Variants in TPP1 observed in about 807,000 individuals in gnomAD.
TPP1 encodes tripeptidyl peptidase 1.
In TPP1, 43 loss-of-function variants were observed where a neutral mutation model predicts 67.6. The observed-to-expected ratio is 0.64, with a 90% CI of 0.50 to 0.82. The LOEUF (loss-of-function observed/expected upper bound fraction) is 0.82, where lower values mean the gene tolerates loss of function less well. TPP1 is among the 40% of genes least tolerant of loss of function. TPP1 has a pLI of 0.00. For synonymous variants in TPP1, 272 were observed against 281.5 expected (o/e 0.97, Z 0.34); for missense variants, 671 against 710.9 (o/e 0.94, Z 0.64).
At chr11:6,615,897 A>T in intron 9 of TPP1, 108 bp downstream of exon 9, 1 of 1,311,504 alleles carries the variant, frequency 7.6e-7, no homozygotes, top group Non-Finnish European at 1.1e-6. Flanking sequence ...GGCAAAGCTT[A>T]AGGCTGAACC....
rs376944684 is a variant in TPP1 at position 6,616,119 on chromosome 11, T to C, written c.1076-45A>G. ...GCATTCATATTAATTGGTTAGGGCTTAGTATGTGGGTTCGGATGTCAGAGG... is the reference window on the plus strand; with the variant it reads ...GCATTCATATTAATTGGTTAGGGCTCAGTATGTGGGTTCGGATGTCAGAGG... On this transcript the variant is annotated intron_variant, in intron 8 of 12. Coordinates refer to ENST00000299427, the MANE Select transcript of TPP1 (RefSeq NM_000391.4). 3.7e-6 allele frequency: 6 copies of C among 1,611,908 alleles called. No homozygotes were observed. The African/African-American group carries it at 5.3e-5, about 14-fold the overall frequency.
In TPP1 at chr11:6,614,929, G is replaced by A. The variant is rs1315316303; in HGVS notation, c.1488C>T (p.Gly496=). The A allele has an allele frequency of 1.2e-6, 2 of 1,614,144 alleles. No individual in the cohort carries two copies. Among genetic ancestry groups the A allele is most frequent in the South Asian group, 1.1e-5 (1 of 91,082 alleles). ...GGTTGAGAAAGCCAAGAGGGGGGCGGCCACTAAGGATCCTGTGCTCATTGA... is the reference window on the plus strand; with the variant it reads ...GGTTGAGAAAGCCAAGAGGGGGGCGACCACTAAGGATCCTGTGCTCATTGA... ...SLINEHRILS[G]RPPLGFLNPR... The change falls in exon 12 of 13, where the codon GGC becomes GGT. Residue 496 remains glycine, a synonymous_variant. Coordinates refer to ENST00000299427, the MANE Select transcript of TPP1 (RefSeq NM_000391.4).
Position 6,619,414 on chromosome 11 carries a change from G to T in TPP1, c.-14C>A. On this transcript the variant is annotated 5_prime_UTR_variant, in exon 1 of 13. Transcript: ENST00000299427. ...TTGGAGTCCCATTCTGCCCTTCCGCGGATCTGCTGTCATGTGACGGATCAC... is the reference window on the plus strand; with the variant it reads ...TTGGAGTCCCATTCTGCCCTTCCGCTGATCTGCTGTCATGTGACGGATCAC... 1 of 1,614,176 alleles carries T rather than the reference G, an allele frequency of 6.2e-7. No individual in the cohort carries two copies. Among genetic ancestry groups the T allele is most frequent in the Non-Finnish European group, 8.5e-7 (1 of 1,180,028 alleles).
Position 6,617,312 on chromosome 11 carries a change from T to TG in TPP1, c.496dup (p.His166ProfsTer22). 3.7e-6 allele frequency: 6 copies of TG among 1,613,970 alleles called. No individual in the cohort carries two copies. Among genetic ancestry groups the TG allele is most frequent in the Non-Finnish European group, 5.1e-6 (6 of 1,179,976 alleles). ...CCCATAGGTGTTACCAAAGTCCACA[T>TG]GGGGGGCCAAGGCCTGTGGAAGCTG... On this transcript the variant is annotated frameshift_variant, in exon 5 of 13. Transcript: ENST00000299427. LOFTEE classifies it high-confidence loss of function.
rs1317492199 is a variant in TPP1 at position 6,618,760 on chromosome 11, C to T, written c.229+16G>A. The T allele has an allele frequency of 1.9e-6, 3 of 1,613,360 alleles. No individual in the cohort carries two copies. Among genetic ancestry groups the T allele is most frequent in the South Asian group, 2.2e-5 (2 of 91,064 alleles). Reference sequence around the variant, plus strand: ...TCCACCGCATCCCACATCCTGTCCTCAGTCCCAAAAGGCACCGTATTGAGG... The same window carrying T: ...TCCACCGCATCCCACATCCTGTCCTTAGTCCCAAAAGGCACCGTATTGAGG... On this transcript the variant is annotated intron_variant, in intron 3 of 12. Coordinates refer to ENST00000299427, the MANE Select transcript of TPP1 (RefSeq NM_000391.4).
chr11:6,616,399 A>G lies in TPP1; in HGVS notation c.991T>C (p.Ser331Pro), dbSNP rs1589948207. The G allele has an allele frequency of 6.2e-7, 1 of 1,613,830 alleles. No individual in the cohort carries two copies. Among genetic ancestry groups the G allele is most frequent in the Non-Finnish European group, 8.5e-7 (1 of 1,180,004 alleles). ...HTVSYGDDEDSLSSAYIQRVN... is the reference protein window; with the variant it reads ...HTVSYGDDEDPLSSAYIQRVN... ...CGCTGGATGTAGGCGCTGCTGAGGG[A>G]GTCCTCATCATCTCCATAGCTCACA... Residue 331 changes from serine (S) to proline (P), a missense_variant, in exon 8 of 13, where the codon TCC becomes CCC. By Grantham distance (74) the Ser-to-Pro change is moderately conservative. Transcript: ENST00000299427.
chr11:6,612,934 C>T lies in TPP1; in HGVS notation c.*1612G>A, dbSNP rs1227488705. ...TCAATACTACGTGGTCGTTACAATG[C>T]TAGAGGTAGGCACAGGGGGCGCAGT... is the stretch of plus-strand genomic sequence containing the variant. On this transcript the variant is annotated 3_prime_UTR_variant, in exon 13 of 13. Coordinates refer to ENST00000299427, the MANE Select transcript of TPP1 (RefSeq NM_000391.4). 1 of 152,668 alleles carries T rather than the reference C, an allele frequency of 6.6e-6. No homozygotes were observed. The highest frequency in any genetic ancestry group is 1.9e-4 in the East Asian group (1 of 5,206). The allele number at this position is 152,668 out of a possible 1,614,324, so 9.5% of individuals were successfully genotyped here. A position where few individuals can be genotyped will look rare whatever the true frequency, so the allele number is the denominator to read the frequency against.
chr11:6,617,287 C>A lies in TPP1; in HGVS notation c.508+14G>T, dbSNP rs772544048. 1.2e-6 allele frequency: 2 copies of A among 1,614,084 alleles called. No homozygotes were observed. The highest frequency in any genetic ancestry group is 1.3e-5 in the African/African-American group (1 of 75,004). ...TCTGTGTGCCCCAACCCCCATTCACCCCATAGGTGTTACCAAAGTCCACAT... is the reference window on the plus strand; with the variant it reads ...TCTGTGTGCCCCAACCCCCATTCACACCATAGGTGTTACCAAAGTCCACAT... On this transcript the variant is annotated intron_variant, in intron 5 of 12. Transcript: ENST00000299427.
rs191341072 is a variant in TPP1 at position 6,614,742 on chromosome 11, A to G, written c.1552-56T>C. ...CTACTAGTACCAGTACTTAAAGAGT[A>G]TATCTCCTCACCCTGTACTCACATT... On this transcript the variant is annotated intron_variant, in intron 12 of 12. Transcript: ENST00000299427. 7,569 of 1,613,970 alleles carry G rather than the reference A, an allele frequency of 4.7e-3. 25 individuals are homozygous for G. Among genetic ancestry groups the G allele is most frequent in the Non-Finnish European group, 5.6e-3 (6,627 of 1,179,976 alleles).
intron 9 of TPP1, 23 bp downstream of exon 9, chr11:6,615,982 G>C: frequency 6.2e-7 from 1 of 1,613,136 alleles, no homozygotes; most frequent in South Asian, 1.1e-5. Context: ...GGTTATACCT[G>C]AGTGGTAGGC....
rs1338182035 is a variant in TPP1 at position 6,617,646 on chromosome 11, CAG to C, written c.358_359del (p.Leu120AspfsTer17). The C allele has an allele frequency of 6.2e-7, 1 of 1,614,176 alleles. No homozygotes were observed. Among genetic ancestry groups the C allele is most frequent in the Admixed American group, 1.7e-5 (1 of 60,026 alleles). ...KCHSVITQDFLTCWLSIRQAE... is the reference protein window; with the variant it reads ...KCHSVITQDFXTCWLSIRQAE... Reference sequence around the variant, plus strand: ...CTCACCGGATGCTCAGCCAGCAAGTCAGAAAGTCCTGTGTGATCACAGAATGG... The same window carrying C: ...CTCACCGGATGCTCAGCCAGCAAGTCAAAGTCCTGTGTGATCACAGAATGG... On this transcript the variant is annotated frameshift_variant, in exon 4 of 13. Coordinates refer to ENST00000299427, the MANE Select transcript of TPP1 (RefSeq NM_000391.4). LOFTEE classifies it high-confidence loss of function.
In TPP1 at chr11:6,614,856, C is replaced by A. The variant is rs1855551721; in HGVS notation, c.1551+10G>T. The A allele has an allele frequency of 6.2e-7, 1 of 1,614,140 alleles. No homozygotes were observed. Among genetic ancestry groups the A allele is most frequent in the Non-Finnish European group, 8.5e-7 (1 of 1,180,026 alleles). On this transcript the variant is annotated intron_variant, in intron 12 of 12. Coordinates refer to ENST00000299427, the MANE Select transcript of TPP1 (RefSeq NM_000391.4). The stretch of plus-strand genomic sequence containing the variant: ...TTGAAAACGTCCACACCCTTCCCTT[C>A]CATACTTACATCAAAGAGTCCTGCC...
At chr11:6,616,258 C>T in intron 8 of TPP1, 57 bp downstream of exon 8, 22 of 1,611,470 alleles carry the variant, frequency 1.4e-5, no homozygotes, top group Non-Finnish European at 1.9e-5. Context: ...ACTGTGGAGT[C>T]AAAGCTCCCA....
intron 12 of TPP1, 76 bp downstream of exon 12, chr11:6,614,790 C>T: frequency 1.9e-6 from 3 of 1,613,804 alleles, no homozygotes; most frequent in Middle Eastern, 1.7e-4. Flanking sequence ...CCACACCACC[C>T]TAACTGCCCC....
At chr11:6,618,654 G>A (rs754545997) in intron 3 of TPP1, 122 bp downstream of exon 3, 41 of 1,396,968 alleles carry the variant, frequency 2.9e-5, no homozygotes, top group Non-Finnish European at 3.7e-5. Flanking sequence ...TCCCCTTTTA[G>A]GTTTCTAGCC....
chr11:6,619,227 T>G lies in TPP1; in HGVS notation c.58A>C (p.Ser20Arg), dbSNP rs750116414. 5 of 1,614,044 alleles carry G rather than the reference T, an allele frequency of 3.1e-6. No homozygotes were observed. The highest frequency in any genetic ancestry group is 1.7e-5 in the Admixed American group (1 of 60,002). Reference protein sequence around the residue: ...LFALILSGKCSYSPEPDQRRT... With the variant: ...LFALILSGKCRYSPEPDQRRT... ...CGCTGGTCGGGCTCCGGGCTGTAAC[T>G]GCATTTGCCAGAGAGGATGAGGGCA... Residue 20 changes from serine (S) to arginine (R), a missense_variant, in exon 2 of 13, where the codon AGT becomes CGT. By Grantham distance (110) the Ser-to-Arg change is moderately radical. Transcript: ENST00000299427.
At position 6,615,854 on chromosome 11, in the gene TPP1, G is replaced by A; in HGVS notation, c.1145+151C>T. The A allele has an allele frequency of 5.4e-6, 5 of 917,566 alleles. No homozygotes were observed. The South Asian group carries it at 5.6e-5, about 10-fold the overall frequency. The allele number at this position is 917,566 out of a possible 1,614,324, so 56.8% of individuals were successfully genotyped here. A position where few individuals can be genotyped will look rare whatever the true frequency, so the allele number is the denominator to read the frequency against. ...AGAGATTTGGGGCCTGGGACCTGCA[G>A]GAAGAAGAGACAGGAGTACAGCAAC... On this transcript the variant is annotated intron_variant, in intron 9 of 12. Coordinates refer to ENST00000299427, the MANE Select transcript of TPP1 (RefSeq NM_000391.4).
At chr11:6,614,707 A>G (rs747392447) in intron 12 of TPP1, 21 bp from the exon 13 acceptor site, 1 of 1,614,170 alleles carries the variant, frequency 6.2e-7, no homozygotes, top group Non-Finnish European at 8.5e-7. Flanking sequence ...GGCTGGCATC[A>G]GATCTGGGCC....
In TPP1 at chr11:6,615,579, G is replaced by C; in HGVS notation, c.1146-17C>G. 2 of 1,614,068 alleles carry C rather than the reference G, an allele frequency of 1.2e-6. No homozygotes were observed. The highest frequency in any genetic ancestry group is 1.7e-6 in the Non-Finnish European group (2 of 1,180,030). The stretch of plus-strand genomic sequence containing the variant: ...ACATAGGGGCTGAGGGGAGAAGACA[G>C]CATTTGGATAGTAGGGGACCCAAGG... On this transcript the variant is annotated splice_polypyrimidine_tract_variant and intron_variant, in intron 9 of 12. Coordinates refer to ENST00000299427, the MANE Select transcript of TPP1 (RefSeq NM_000391.4).
Sources: allele counts gnomAD v4.1 joint callset, GRCh38; gene constraint gnomAD v4.1.1; transcripts MANE v1.5; gene names NCBI Gene and HGNC (gene_info 2026-07-23, HGNC 2026-07-21).